The following MAML3 variants were observed in gnomAD, a reference collection of about 807,000 sequenced individuals.
The protein encoded by MAML3 is mastermind like transcriptional coactivator 3.
Under a neutral mutation model 101.9 loss-of-function variants are expected in MAML3, and 27 were observed. The observed-to-expected ratio is 0.27, with a 90% CI of 0.20 to 0.37. The LOEUF (loss-of-function observed/expected upper bound fraction) is 0.37, where lower values mean the gene tolerates loss of function less well. Ranked by LOEUF, MAML3 falls within the 10% of genes least tolerant of loss-of-function variation. The pLI is 1.00. For missense variants in MAML3, 1,316 were observed against 1,444.9 expected (o/e 0.91, Z 1.45); for synonymous variants, 501 against 555.9 (o/e 0.90, Z 1.39).
At chr4:139,930,882 G>C (rs769681) in intron 1 of MAML3, among the ~76,000 whole-genome samples, 54,569 of 151,682 alleles carry the variant, frequency 0.36, 10,492 homozygotes, top group East Asian at 0.64. Flanking sequence ...GAAATTGAAG[G>C]CTCCGTCATT....
At chr4:139,889,201 G>A (rs762146821) in intron 2 of MAML3, 156 bp downstream of exon 2, 4 of 1,398,498 alleles carry the variant, frequency 2.9e-6, no homozygotes, top group Non-Finnish European at 4.0e-6. Context: ...AATGGAAAAA[G>A]AACACTCCAA....
At chr4:139,772,724 G>C (rs1032437711) in intron 2 of MAML3, among the ~76,000 whole-genome samples, 19 of 152,098 alleles carry the variant, frequency 1.2e-4, no homozygotes, top group Non-Finnish European at 7.4e-5. Context: ...GACGTAAAAT[G>C]AGTCAGTCAA....
intron 2 of MAML3, among the ~76,000 whole-genome samples, chr4:139,804,911 G>A (rs1475448215): frequency 2.0e-5 from 3 of 152,164 alleles, no homozygotes; most frequent in African/African-American, 4.8e-5. Context: ...GGGCGCGATG[G>A]CTCACACCTG....
intron 1 of MAML3, among the ~76,000 whole-genome samples, chr4:139,917,285 A>T (rs1015871880): frequency 1.3e-5 from 2 of 152,146 alleles, no homozygotes; most frequent in Non-Finnish European, 2.9e-5. Context: ...GTGCTCTTGA[A>T]ATTCTAGGTT....
At chr4:139,780,076 G>T (rs1347292615) in intron 2 of MAML3, among the ~76,000 whole-genome samples, 1 of 152,216 alleles carries the variant, frequency 6.6e-6, no homozygotes, top group Non-Finnish European at 1.5e-5. Context: ...TGCTGTCCGA[G>T]GCGGTACCCA....
At chr4:139,849,435 A>G (rs1476313694) in intron 2 of MAML3, among the ~76,000 whole-genome samples, 1 of 152,214 alleles carries the variant, frequency 6.6e-6, no homozygotes, top group Non-Finnish European at 1.5e-5. Flanking sequence ...TGTGTCTACA[A>G]GAAACACGGG....
chr4:139,880,809 C>G lies in MAML3; in HGVS notation c.2079+8548G>C, dbSNP rs74838663. 1.3e-3 allele frequency among the ~76,000 whole-genome samples: 191 copies of G among 152,276 alleles called. 4 individuals are homozygous for G. Among genetic ancestry groups the G allele is most frequent in the African/African-American group, 2.8e-3 (116 of 41,566 alleles). ...TTCAACAGAAAAGTGTTGAAAATCACTGAAGGAGCCTCTGGTAGAATGAAC... is the reference window on the plus strand; with the variant it reads ...TTCAACAGAAAAGTGTTGAAAATCAGTGAAGGAGCCTCTGGTAGAATGAAC... On this transcript the variant is annotated intron_variant, in intron 2 of 4. Transcript: ENST00000509479.
intron 2 of MAML3, among the ~76,000 whole-genome samples, chr4:139,823,493 C>G (rs1295907237): frequency 1.3e-5 from 2 of 152,104 alleles, no homozygotes; most frequent in African/African-American, 4.8e-5. Flanking sequence ...GGGTCTGCAG[C>G]TTCTGTGTGT....
chr4:139,805,614 T>C (rs1174561120), intron 2 of MAML3, among the ~76,000 whole-genome samples: 4 of 152,214 alleles, frequency 2.6e-5, no homozygotes, highest in Non-Finnish European at 4.4e-5. Flanking sequence ...AATGGAGATA[T>C]AGTTCTTATT....
intron 2 of MAML3, among the ~76,000 whole-genome samples, chr4:139,781,244 C>T (rs112206345): frequency 8.5e-5 from 13 of 152,124 alleles, no homozygotes; most frequent in African/African-American, 3.1e-4. Flanking sequence ...GCAATATAAC[C>T]CACCCACGTT....
chr4:139,772,588 C>G (rs1730018449), intron 2 of MAML3, among the ~76,000 whole-genome samples: 1 of 151,688 alleles, frequency 6.6e-6, no homozygotes, highest in Non-Finnish European at 1.5e-5. Context: ...GGTAATCCAC[C>G]TGCCTCGGCC....
At chr4:139,957,306 T>G (rs1578616393) in intron 1 of MAML3, among the ~76,000 whole-genome samples, 1 of 151,968 alleles carries the variant, frequency 6.6e-6, no homozygotes, top group African/African-American at 2.4e-5. Context: ...CTCAGAGAGG[T>G]TGATTAACTT....
At chr4:139,804,054 C>G (rs1730661932) in intron 2 of MAML3, among the ~76,000 whole-genome samples, 1 of 152,200 alleles carries the variant, frequency 6.6e-6, no homozygotes, top group African/African-American at 2.4e-5. Flanking sequence ...TGCCTTGGCT[C>G]TGCCCCTGAA....
At chr4:140,035,519 T>C (rs1189681395) in intron 1 of MAML3, among the ~76,000 whole-genome samples, 1 of 152,172 alleles carries the variant, frequency 6.6e-6, no homozygotes, top group East Asian at 1.9e-4. Context: ...CTAACATTGC[T>C]GGGCACAGTG....
At chr4:139,910,215 G>A (rs917184218) in intron 1 of MAML3, among the ~76,000 whole-genome samples, 1 of 152,298 alleles carries the variant, frequency 6.6e-6, no homozygotes, top group East Asian at 1.9e-4. Flanking sequence ...CTGGGAACTT[G>A]TTAGAAATCC....
intron 1 of MAML3, among the ~76,000 whole-genome samples, chr4:139,933,901 T>C (rs540565525): frequency 1.4e-4 from 22 of 152,284 alleles, no homozygotes; most frequent in African/African-American, 5.1e-4. Context: ...AACGAGTGTG[T>C]GTCTGAGTGC....
At chr4:140,079,573 C>T (rs1727832327) in intron 1 of MAML3, among the ~76,000 whole-genome samples, 1 of 152,132 alleles carries the variant, frequency 6.6e-6, no homozygotes, top group Non-Finnish European at 1.5e-5. Context: ...GGATTACAGG[C>T]GTGAGCCACC....
chr4:140,015,204 A>C (rs1268919145), intron 1 of MAML3, among the ~76,000 whole-genome samples: 1 of 152,174 alleles, frequency 6.6e-6, no homozygotes, highest in African/African-American at 2.4e-5. Flanking sequence ...AGTATTGTCT[A>C]CTGATGCACT....
intron 1 of MAML3, among the ~76,000 whole-genome samples, chr4:139,900,236 C>A (rs545434627): frequency 2.6e-5 from 4 of 152,310 alleles, no homozygotes; most frequent in African/African-American, 9.6e-5. Flanking sequence ...GGAACATGAG[C>A]ACCCATCCAA....
Sources: allele counts gnomAD v4.1 joint callset (sites outside exome capture counted in the v4.1 genomes callset), GRCh38; gene constraint gnomAD v4.1.1; transcripts MANE v1.5; gene names NCBI Gene and HGNC (gene_info 2026-07-23, HGNC 2026-07-21).